CAMK2G: variants seen among roughly 807,000 people sequenced by gnomAD.
CAMK2G encodes calcium/calmodulin dependent protein kinase II gamma.
A neutral mutation model predicts 88.7 loss-of-function variants in CAMK2G; 23 were observed. The observed-to-expected ratio is 0.26, with a 90% confidence interval of 0.19 to 0.37. The LOEUF (loss-of-function observed/expected upper bound fraction) is 0.37. Ranked by LOEUF, CAMK2G falls within the 10% of genes least tolerant of loss-of-function variation. The pLI is 1.00. For synonymous variants in CAMK2G, 263 were observed against 294.8 expected (o/e 0.89, Z 1.11); for missense variants, 476 against 780.8 (o/e 0.61, Z 4.65).
intron 2 of CAMK2G, 130 bp from the exon 3 acceptor site, chr10:73,861,019 G>T: frequency 1.4e-6 from 1 of 697,972 alleles, no homozygotes; most frequent in Non-Finnish European, 2.6e-6. Context: ...AATGCAGCAA[G>T]TCATGGCAAT....
intron 15 of CAMK2G, among the ~76,000 whole-genome samples, chr10:73,826,454 C>G (rs1472245452): frequency 6.6e-6 from 1 of 151,942 alleles, no homozygotes; most frequent in Non-Finnish European, 1.5e-5. Flanking sequence ...AGCAAACGAA[C>G]AAACAAAAAC....
rs2094415823 is a variant in CAMK2G, at chr10:73,848,649, TTCTC to T, written c.518-44_518-41del. 1 of 1,166,710 alleles carries T rather than the reference TTCTC, an allele frequency of 8.6e-7. No individual in the cohort carries two copies. The highest frequency in any genetic ancestry group is 1.3e-5 in the South Asian group (1 of 76,764). The allele number at this position is 1,166,710 out of a possible 1,614,324, so 72.3% of individuals were successfully genotyped here. ...AGGGCAGAGGCATACTGAACCCACT[TTCTC>T]TCTCGTTAAATCCACACCAGCCATT... On this transcript the variant is annotated intron_variant, in intron 7 of 22. Coordinates refer to ENST00000423381, the MANE Select transcript of CAMK2G (RefSeq NM_001367534.1). The surrounding 1 kb of genome is among the most constrained non-coding windows in gnomAD (Gnocchi z 4.5).
chr10:73,871,622 C>T (rs1172911540), intron 2 of CAMK2G, among the ~76,000 whole-genome samples: 1 of 152,026 alleles, frequency 6.6e-6, no homozygotes, highest in Non-Finnish European at 1.5e-5. Flanking sequence ...CCCTGTTGTC[C>T]CCCCCACCCC....
At chr10:73,831,736 C>G (rs1254510932) in intron 14 of CAMK2G, among the ~76,000 whole-genome samples, 2 of 145,470 alleles carry the variant, frequency 1.4e-5, no homozygotes, top group Admixed American at 6.9e-5. Flanking sequence ...GGCACATGCC[C>G]GTATTCCCAG....
At position 73,842,317 on chromosome 10, in the gene CAMK2G, TG is replaced by T. The variant is rs2093858615; in HGVS notation, c.904-107del. The T allele has an allele frequency of 2.6e-6, 3 of 1,159,304 alleles. No individual in the cohort carries two copies. The highest frequency in any genetic ancestry group is 1.5e-5 in the African/African-American group (1 of 65,994). 71.8% of individuals were successfully genotyped at this position (1,159,304 alleles called of 1,614,324 possible). The stretch of plus-strand genomic sequence containing the variant: ...CTAGAGCCTGAAGACATCAGGCCTC[TG>T]GGCCCCCTCCCCTGTGACATGTACA... On this transcript the variant is annotated intron_variant, in intron 11 of 22. Coordinates refer to ENST00000423381, the MANE Select transcript of CAMK2G (RefSeq NM_001367534.1). The surrounding 1 kb of genome is among the most constrained non-coding windows in gnomAD (Gnocchi z 4.6).
At chr10:73,837,538 TCTC>T (rs761910404) in intron 13 of CAMK2G, 27 bp from the exon 14 acceptor site, 19 of 1,591,008 alleles carry the variant, frequency 1.2e-5, no homozygotes, top group Non-Finnish European at 1.6e-5. Flanking sequence ...GAATATCAAG[TCTC>T]CTGCATTGTA....
Position 73,815,133 on chromosome 10 carries a change from C to T in CAMK2G, c.1649G>A (p.Gly550Glu). Residue 550 changes from glycine to glutamate, a missense_variant, in exon 22 of 23, where the codon GGG becomes GAG. Around this residue, in one of 3 missense-constraint regions of CAMK2G, gnomAD observed 278 missense variants for 366.5 expected, o/e 0.76. Transcript: ENST00000423381. ...AYIRLTQYIDGQGRPRTSQSE... is the reference protein window; with the variant it reads ...AYIRLTQYIDEQGRPRTSQSE... ...CTGGCTGGTGCGAGGCCGACCCTGC[C>T]CGTCGATGTACTGGGTGAGGCGGAT... 6.2e-7 allele frequency: 1 copy of T among 1,614,242 alleles called. No homozygotes were observed. The highest frequency in any genetic ancestry group is 1.1e-5 in the South Asian group (1 of 91,092).
At chr10:73,837,266 C>A (rs940709362) in intron 14 of CAMK2G, 10 of 642,474 alleles carry the variant, frequency 1.6e-5, no homozygotes, top group African/African-American at 1.1e-4. Flanking sequence ...TCATTCCCAT[C>A]CAGCTAGGGC....
intron 15 of CAMK2G, among the ~76,000 whole-genome samples, chr10:73,827,049 G>A (rs997440032): frequency 6.6e-6 from 1 of 152,144 alleles, no homozygotes; most frequent in Admixed American, 6.5e-5. Context: ...GAATGATGCT[G>A]ACCTGTTCGG....
intron 14 of CAMK2G, among the ~76,000 whole-genome samples, chr10:73,834,378 G>T (rs142032768): frequency 6.6e-6 from 1 of 152,206 alleles, no homozygotes; most frequent in African/African-American, 2.4e-5. Context: ...TTTCTCAAAA[G>T]AATGTGGCAT....
intron 3 of CAMK2G, among the ~76,000 whole-genome samples, chr10:73,859,495 C>T (rs1303280885): frequency 6.6e-6 from 1 of 152,170 alleles, no homozygotes; most frequent in Non-Finnish European, 1.5e-5. Flanking sequence ...TAGGTGTTTC[C>T]CTCTGTGGGC....
rs1348777350 is a variant in CAMK2G, at chr10:73,836,220, G to A, written c.1053+1248C>T. ...ATGTCCCTGCAGCTTTCTCCAGTAC[G>A]CTCTCTCCTATGAGCTTCCTGGACT... On this transcript the variant is annotated intron_variant, in intron 14 of 22. Transcript: ENST00000423381. Among the ~76,000 whole-genome samples the A allele has an allele frequency of 2.6e-5, 4 of 152,118 alleles. 1 individual carries two copies. The highest frequency in any genetic ancestry group is 5.9e-5 in the Non-Finnish European group (4 of 68,040).
intron 2 of CAMK2G, among the ~76,000 whole-genome samples, chr10:73,862,395 G>A (rs1402891278): frequency 1.3e-5 from 2 of 151,040 alleles, no homozygotes; most frequent in Non-Finnish European, 2.9e-5. Context: ...AAGGGCGGGG[G>A]TACCTTTCCA....
At chr10:73,834,480 C>T (rs2092960631) in intron 14 of CAMK2G, among the ~76,000 whole-genome samples, 1 of 152,160 alleles carries the variant, frequency 6.6e-6, no homozygotes, top group Non-Finnish European at 1.5e-5. Context: ...AAGCCTTTAC[C>T]TAATGATGTG....
chr10:73,821,707 G>A lies in CAMK2G; in HGVS notation c.1224C>T (p.Thr408=), dbSNP rs1475641366. 1.2e-6 allele frequency: 2 copies of A among 1,611,740 alleles called. No homozygotes were observed. Among genetic ancestry groups the A allele is most frequent in the Non-Finnish European group, 1.7e-6 (2 of 1,178,986 alleles). The change falls in exon 18 of 23, where the codon ACC becomes ACT. Residue 408 remains threonine (T), a synonymous_variant. Transcript: ENST00000423381. ...GIKGSTESCN[T]TTEDEDLKAA... ...CTTTGAGGTCCTCATCTTCTGTGGT[G>A]GTGTTGCAGCTCTCTGTGGAGCCCT...
chr10:73,818,444 T>G, intron 19 of CAMK2G: 2 of 333,224 alleles, frequency 6.0e-6, no homozygotes, highest in Non-Finnish European at 1.2e-5. Context: ...AGGGAGAGCT[T>G]GGGTTGAGCT....
chr10:73,837,500 G>C lies in CAMK2G; in HGVS notation c.1021C>G (p.Leu341Val). 6.2e-7 allele frequency: 1 copy of C among 1,613,644 alleles called. No individual in the cohort carries two copies. Among genetic ancestry groups the C allele is most frequent in the East Asian group, 2.2e-5 (1 of 44,870 alleles). The change falls in exon 14 of 23, where the codon CTA becomes GTA. Residue 341 changes from leucine (L) to valine (V), a missense_variant. Transcript: ENST00000423381. ...CCGCCATCCGACTTCTTGTTCAATA[G>C]GCTTTTGGCAGCTGTGAAAACAAAG... is the stretch of plus-strand genomic sequence containing the variant. ...AGLAGQAAKSLLNKKSDGGVK... is the reference protein window; with the variant it reads ...AGLAGQAAKSVLNKKSDGGVK...
intron 15 of CAMK2G, 98 bp from the exon 16 acceptor site, chr10:73,825,445 G>A: frequency 1.1e-6 from 1 of 900,270 alleles, no homozygotes; most frequent in Non-Finnish European, 1.9e-6. Flanking sequence ...TGGCCTGGAG[G>A]AGGTAGGCCT....
In CAMK2G at chr10:73,853,859, C is replaced by T. The variant is rs542215496; in HGVS notation, c.221-613G>A. ...TTGCATACATTACTGATTCTGCAAGCATTTATCAAGCACCTACTATGTGCT... is the reference window on the plus strand; with the variant it reads ...TTGCATACATTACTGATTCTGCAAGTATTTATCAAGCACCTACTATGTGCT... On this transcript the variant is annotated intron_variant, in intron 3 of 22. Coordinates refer to ENST00000423381, the MANE Select transcript of CAMK2G (RefSeq NM_001367534.1). Among the ~76,000 whole-genome samples the T allele has an allele frequency of 1.1e-4, 16 of 152,354 alleles. No individual in the cohort carries two copies. In the South Asian group the frequency reaches 3.3e-3, roughly 32 times the overall value.
Sources: gnomAD v4.1 joint callset for allele counts (sites outside exome capture counted in the v4.1 genomes callset) on GRCh38, gnomAD v4.1.1 for gene constraint, gnomAD v4.1.1 regional missense constraint, Gnocchi (gnomAD v3.1) non-coding constraint, MANE v1.5 for transcripts, NCBI Gene and HGNC (gene_info 2026-07-23, HGNC 2026-07-21) for gene names.